The following CHGA variants were observed in gnomAD, a reference collection of about 807,000 sequenced individuals.
The protein encoded by CHGA is chromogranin A, also known as chromogranin-A.
Under a neutral mutation model 54.4 loss-of-function variants are expected in CHGA, and 41 were observed. The ratio of observed to expected loss-of-function variants is 0.75; its 90% confidence interval spans 0.59 to 0.98. The LOEUF is 0.98. Ranked by LOEUF, CHGA falls within the 50% of genes least tolerant of loss-of-function variation. CHGA has a pLI of 0.00. For synonymous variants in CHGA, 249 were observed against 232.8 expected (o/e 1.07, Z -0.63); for missense variants, 576 against 582.3 (o/e 0.99, Z 0.11).
intron 7 of CHGA, among the ~76,000 whole-genome samples, chr14:92,934,457 G>A (rs539717410): frequency 6.6e-6 from 1 of 152,258 alleles, no homozygotes; most frequent in East Asian, 1.9e-4. Context: ...GGGCTAGGCC[G>A]AGGGAAGGGG....
chr14:92,931,663 C>A lies in CHGA; in HGVS notation c.769C>A (p.His257Asn), dbSNP rs762084269. The A allele has an allele frequency of 1.3e-6, 2 of 1,594,888 alleles. No homozygotes were observed. The highest frequency in any genetic ancestry group is 1.7e-6 in the Non-Finnish European group (2 of 1,167,484). ...EEGPTVVLNPHPSLGYKEIRK... is the reference protein window; with the variant it reads ...EEGPTVVLNPNPSLGYKEIRK... ...AGGCCCCACTGTAGTGCTGAACCCC[C>A]ACCCGAGCCTTGGCTACAAGGAGAT... The change falls in exon 6 of 8, where the codon CAC (histidine) becomes AAC (asparagine). Residue 257 changes from histidine (H) to asparagine (N), a missense_variant. By Grantham distance (68) the His-to-Asn change is moderately conservative. Transcript: ENST00000216492.
chr14:92,924,205 C>G lies in CHGA; in HGVS notation c.53C>G (p.Ala18Gly), dbSNP rs1318028195. The change falls in exon 2 of 8, where the codon GCG becomes GGG. Residue 18 changes from alanine (A) to glycine (G), a missense_variant. Physicochemically the swap from Ala to Gly is moderately conservative, Grantham distance 60. Transcript: ENST00000216492. ...ALLLCAGQVT[A>G]LPVNSPMNKG... ...ACTCTCTTCTTCTTCCCAGTCACTG[C>G]GCTCCCTGTGAACAGCCCTATGAAT... 1.9e-6 allele frequency: 3 copies of G among 1,612,190 alleles called. No individual in the cohort carries two copies. Among genetic ancestry groups the G allele is most frequent in the Non-Finnish European group, 2.5e-6 (3 of 1,179,492 alleles).
Position 92,924,246 on chromosome 14 carries a change from G to A in CHGA, c.93+1G>A. On this transcript the variant is annotated splice_donor_variant, in intron 2 of 7. Coordinates refer to ENST00000216492, the MANE Select transcript of CHGA (RefSeq NM_001275.4). LOFTEE classifies it high-confidence loss of function. ...CCCTATGAATAAAGGGGATACCGAG[G>A]TAAGAAGGGGTGCTGGGGATGAGGG... is the stretch of plus-strand genomic sequence containing the variant. 5 of 1,611,662 alleles carry A rather than the reference G, an allele frequency of 3.1e-6. No individual in the cohort carries two copies. The highest frequency in any genetic ancestry group is 4.2e-6 in the Non-Finnish European group (5 of 1,179,346).
intron 6 of CHGA, 60 bp downstream of exon 6, chr14:92,931,762 A>G: frequency 6.7e-7 from 1 of 1,484,836 alleles, no homozygotes; most frequent in Non-Finnish European, 9.1e-7. Flanking sequence ...GGGTGGGAGG[A>G]GAGCCTTCTC....
chr14:92,929,058 GCTAA>G (rs1230922719), intron 4 of CHGA, among the ~76,000 whole-genome samples: 2 of 152,234 alleles, frequency 1.3e-5, no homozygotes, highest in Non-Finnish European at 2.9e-5. Flanking sequence ...AATGAGCTGG[GCTAA>G]CTGAGGGGCC....
At chr14:92,923,855 C>A (rs551190772) in intron 1 of CHGA, among the ~76,000 whole-genome samples, 1 of 142,766 alleles carries the variant, frequency 7.0e-6, no homozygotes, top group African/African-American at 3.0e-5. Flanking sequence ...CTTCCCCCGC[C>A]CCCCCCACCT....
intron 6 of CHGA, 83 bp downstream of exon 6, chr14:92,931,785 C>T: frequency 7.4e-7 from 1 of 1,344,456 alleles, no homozygotes; most frequent in African/African-American, 1.5e-5. Flanking sequence ...TAACCTCATT[C>T]CACCTTCATA....
intron 5 of CHGA, among the ~76,000 whole-genome samples, chr14:92,931,011 TTG>T (rs1462914601): frequency 6.6e-6 from 1 of 152,252 alleles, no homozygotes; most frequent in East Asian, 1.9e-4. Flanking sequence ...GTCTGGTTTT[TTG>T]TTTTTGTTCT....
In CHGA at chr14:92,931,320, T is replaced by C; in HGVS notation, c.426T>C (p.Ser142=). 1.2e-6 allele frequency: 2 copies of C among 1,613,474 alleles called. No homozygotes were observed. Among genetic ancestry groups the C allele is most frequent in the Non-Finnish European group, 1.7e-6 (2 of 1,179,948 alleles). Residue 142 remains serine (S), a synonymous_variant, in exon 6 of 8, where the codon AGT becomes AGC. Coordinates refer to ENST00000216492, the MANE Select transcript of CHGA (RefSeq NM_001275.4). The stretch of plus-strand genomic sequence containing the variant: ...AGGATTCCAAGGAGGCAGAGAAAAG[T>C]GGTGAAGCCACAGACGGAGCCAGGC... The part of the protein sequence containing the change: ...KREDSKEAEK[S]GEATDGARPQ...
In CHGA at chr14:92,929,756, G is replaced by C; in HGVS notation, c.296G>C (p.Gly99Ala). 3 of 1,613,880 alleles carry C rather than the reference G, an allele frequency of 1.9e-6. No individual in the cohort carries two copies. The Admixed American group carries it at 5.0e-5, about 27-fold the overall frequency. Residue 99 changes from glycine to alanine, a missense_variant, in exon 5 of 8, where the codon GGT becomes GCT. Coordinates refer to ENST00000216492, the MANE Select transcript of CHGA (RefSeq NM_001275.4). ...GCACATCAGCAGAAGAAACACAGCG[G>C]TTTTGAAGATGAACTCTCAGAGGTT... Reference protein sequence around the residue: ...ERAHQQKKHSGFEDELSEVLE... With the variant: ...ERAHQQKKHSAFEDELSEVLE...
chr14:92,932,905 A>G lies in CHGA; in HGVS notation c.1290+54A>G. ...GCCAGGCCACGGAGCAGCAGGGGGC[A>G]GCCGCACCCAGACACACTGCCCCTG... On this transcript the variant is annotated intron_variant, in intron 7 of 7. Transcript: ENST00000216492. The surrounding 1 kb of genome is among the most constrained non-coding windows in gnomAD (Gnocchi z 5.3). The G allele has an allele frequency of 6.9e-7, 1 of 1,450,150 alleles. No homozygotes were observed. Among genetic ancestry groups the G allele is most frequent in the Non-Finnish European group, 9.1e-7 (1 of 1,099,658 alleles). The allele number at this position is 1,450,150 out of a possible 1,614,324, so 89.8% of individuals were successfully genotyped here. A position where few individuals can be genotyped will look rare whatever the true frequency, so the allele number is the denominator to read the frequency against.
At position 92,923,363 on chromosome 14, in the gene CHGA, C is replaced by G; in HGVS notation, c.4C>G (p.Arg2Gly). The part of the protein sequence containing the change: M[R>G]SAAVLALLLC... ...CTGCTCGGCGCCCGGGTCCGCCATG[C>G]GCTCCGCCGCTGTCCTGGCTCTTCT... The change falls in exon 1 of 8, where the codon CGC (arginine) becomes GGC (glycine). Residue 2 changes from arginine (R) to glycine (G), a missense_variant. Physicochemically the swap from Arg to Gly is moderately radical, Grantham distance 125 (BLOSUM62 -2). Coordinates refer to ENST00000216492, the MANE Select transcript of CHGA (RefSeq NM_001275.4). 1 of 1,311,096 alleles carries G rather than the reference C, an allele frequency of 7.6e-7. No homozygotes were observed. The highest frequency in any genetic ancestry group is 9.7e-7 in the Non-Finnish European group (1 of 1,034,486). The allele number at this position is 1,311,096 out of a possible 1,614,324, so 81.2% of individuals were successfully genotyped here. A position where few individuals can be genotyped will look rare whatever the true frequency, so the allele number is the denominator to read the frequency against.
In CHGA at chr14:92,932,376, C is replaced by A. The variant is rs1481614671; in HGVS notation, c.815C>A (p.Ser272Ter). ...TGCCCACCACCTGCTCCAGGTCGGTCGGAGGCTCTGGCTGTGGATGGAGCT... is the reference window on the plus strand; with the variant it reads ...TGCCCACCACCTGCTCCAGGTCGGTAGGAGGCTCTGGCTGTGGATGGAGCT... ...YKEIRKGESR[S>*]EALAVDGAGK... The change falls in exon 7 of 8, where the codon TCG (serine) becomes TAG (stop). Residue 272 changes from serine to a stop codon, truncating the protein, a stop_gained. Transcript: ENST00000216492. LOFTEE classifies it high-confidence loss of function. The surrounding 1 kb of genome is among the most constrained non-coding windows in gnomAD (Gnocchi z 5.3). The A allele has an allele frequency of 6.3e-7, 1 of 1,582,014 alleles. No homozygotes were observed. The highest frequency in any genetic ancestry group is 1.2e-5 in the South Asian group (1 of 86,004).
chr14:92,931,157 A>G, intron 5 of CHGA, 93 bp from the exon 6 acceptor site: 1 of 1,342,742 alleles, frequency 7.4e-7, no homozygotes, highest in South Asian at 1.4e-5. Context: ...GGAAGCCAAG[A>G]AACATAATGA....
chr14:92,926,223 G>C (rs766290297), intron 2 of CHGA: 2 of 219,378 alleles, frequency 9.1e-6, no homozygotes. Flanking sequence ...GCATCTTCAC[G>C]ATCAGAGCAC....
In CHGA at chr14:92,935,253, T is replaced by C; in HGVS notation, c.*369T>C. ...TGTAACATATTCTGTATGAACTTTA[T>C]CTAAAGAAAAATAAATCTGTTCTGG... On this transcript the variant is annotated 3_prime_UTR_variant, in exon 8 of 8. Coordinates refer to ENST00000216492, the MANE Select transcript of CHGA (RefSeq NM_001275.4). 1 of 218,410 alleles carries C rather than the reference T, an allele frequency of 4.6e-6. No individual in the cohort carries two copies. Among genetic ancestry groups the C allele is most frequent in the Non-Finnish European group, 8.8e-6 (1 of 113,030 alleles). 13.5% of individuals were successfully genotyped at this position (218,410 alleles called of 1,614,324 possible). A position where few individuals can be genotyped will look rare whatever the true frequency, so the allele number is the denominator to read the frequency against.
upstream of CHGA, chr14:92,922,938 C>T (rs1886810553): frequency 6.2e-6 from 1 of 160,106 alleles, no homozygotes; most frequent in African/African-American, 2.4e-5. Flanking sequence ...CCCCCCGCCT[C>T]CCACGCCACC....
intron 4 of CHGA, among the ~76,000 whole-genome samples, chr14:92,929,252 A>G (rs12434784): frequency 0.02 from 3,009 of 152,294 alleles, 105 homozygotes; most frequent in African/African-American, 0.068. Flanking sequence ...GCCTGAATCA[A>G]GAGCTGTCAC....
At chr14:92,927,522 C>T (rs1886910115) in intron 3 of CHGA, 28 bp from the exon 4 acceptor site, 1 of 1,583,368 alleles carries the variant, frequency 6.3e-7, no homozygotes, top group East Asian at 2.2e-5. Flanking sequence ...CTCTGGAAAC[C>T]ACCCATGATG....
Sources: gnomAD v4.1 joint callset for allele counts (sites outside exome capture counted in the v4.1 genomes callset) on GRCh38, gnomAD v4.1.1 for gene constraint, Gnocchi (gnomAD v3.1) non-coding constraint, MANE v1.5 for transcripts, NCBI Gene and HGNC (gene_info 2026-07-23, HGNC 2026-07-21) for gene names.